NRP2: variants seen among roughly 807,000 people sequenced by gnomAD.
The protein encoded by NRP2 is neuropilin 2.
A neutral mutation model predicts 110.4 loss-of-function variants in NRP2; 52 were observed. That is an observed-to-expected ratio of 0.47 (90% confidence interval 0.38 to 0.59). The LOEUF is 0.59. Among genes scored for constraint, NRP2 ranks in the 20% least tolerant of loss-of-function variants. The pLI, the probability that NRP2 is intolerant of heterozygous loss-of-function variation, is 0.00. For synonymous variants in NRP2, 508 were observed against 468.9 expected (o/e 1.08, Z -1.08); for missense variants, 1,049 against 1,203.0 (o/e 0.87, Z 1.89).
chr2:205,700,884 AC>A, intron 2 of NRP2: 3 of 381,670 alleles, frequency 7.9e-6, no homozygotes, highest in South Asian at 5.7e-5. Context: ...GTGGGCAGAA[AC>A]CAGAGGCCAC....
chr2:205,738,758 G>A (rs2057389791), intron 7 of NRP2, among the ~76,000 whole-genome samples: 1 of 152,218 alleles, frequency 6.6e-6, no homozygotes, highest in Non-Finnish European at 1.5e-5. Flanking sequence ...CCGGGTGGGA[G>A]GACTTCCCAG....
Position 205,763,951 on chromosome 2 carries a change from A to T in NRP2, c.2307+15A>T. The T allele has an allele frequency of 6.2e-7, 1 of 1,613,876 alleles. No individual in the cohort carries two copies. Among genetic ancestry groups the T allele is most frequent in the South Asian group, 1.1e-5 (1 of 91,052 alleles). The stretch of plus-strand genomic sequence containing the variant: ...TGGAGTACCAGGTGGGGTGAGCAAA[A>T]AGGGAATCTTGTGATCCGTATTTCA... On this transcript the variant is annotated intron_variant, in intron 13 of 16. Transcript: ENST00000357785. The surrounding 1 kb of genome is among the most constrained non-coding windows in gnomAD (Gnocchi z 4.0).
intron 9 of NRP2, among the ~76,000 whole-genome samples, chr2:205,744,706 G>A (rs2057506233): frequency 6.6e-6 from 1 of 152,200 alleles, no homozygotes; most frequent in Admixed American, 6.5e-5. Context: ...GGCCACCTTT[G>A]CTAAGCAAAT....
intron 10 of NRP2, 31 bp from the exon 11 acceptor site, chr2:205,749,694 C>T (rs752455321): frequency 1.0e-5 from 16 of 1,567,226 alleles, no homozygotes; most frequent in Non-Finnish European, 1.4e-5. Flanking sequence ...GCTGCTACAG[C>T]ATTCTCTTAT....
intron 3 of NRP2, among the ~76,000 whole-genome samples, chr2:205,718,031 G>A (rs562370556): frequency 1.3e-5 from 2 of 152,314 alleles, no homozygotes; most frequent in Admixed American, 1.3e-4. Flanking sequence ...CTTAGCAATC[G>A]AGGGGCTCCA....
rs891672168 is a variant in NRP2, at chr2:205,722,361, G to A, written c.434-117G>A. Reference sequence around the variant, plus strand: ...TGTTGCTTCAAGGGCCACTCCAGTAGCAACAAAAACCTCAAGAGCAGGGGG... The same window carrying A: ...TGTTGCTTCAAGGGCCACTCCAGTAACAACAAAAACCTCAAGAGCAGGGGG... On this transcript the variant is annotated intron_variant, in intron 3 of 16. Transcript: ENST00000357785. The A allele has an allele frequency of 9.7e-6, 8 of 823,408 alleles. No homozygotes were observed. The African/African-American group carries it at 1.2e-4, about 12-fold the overall frequency. The allele number at this position is 823,408 out of a possible 1,614,324, so 51.0% of individuals were successfully genotyped here.
At chr2:205,784,180 C>T (rs2058210396) in intron 15 of NRP2, among the ~76,000 whole-genome samples, 2 of 152,208 alleles carry the variant, frequency 1.3e-5, no homozygotes, top group African/African-American at 4.8e-5. Context: ...CAGCAGGACT[C>T]ATTAACAGGA....
intron 10 of NRP2, 139 bp from the exon 11 acceptor site, chr2:205,749,586 C>A: frequency 1.4e-6 from 1 of 716,262 alleles, no homozygotes; most frequent in South Asian, 1.6e-5. Context: ...TCGTTGACAG[C>A]ACACAGACAT....
At chr2:205,737,276 G>A (rs1379403222) in intron 7 of NRP2, among the ~76,000 whole-genome samples, 1 of 152,204 alleles carries the variant, frequency 6.6e-6, no homozygotes, top group East Asian at 1.9e-4. Flanking sequence ...AAGGGACAAC[G>A]GGTAACTAAA....
rs200533161 is a variant in NRP2, at chr2:205,749,768, C to G, written c.1830C>G (p.Ser610Arg). ...AGACGCTGGGACCCACTGTGAAGAG[C>G]GAAGAGACAACCACCCCCTACCCCA... Reference protein sequence around the residue: ...TVETLGPTVKSEETTTPYPTE... With the variant: ...TVETLGPTVKREETTTPYPTE... The change falls in exon 11 of 17, where the codon AGC becomes AGG. Residue 610 changes from serine to arginine, a missense_variant. Ser to Arg is a moderately radical substitution (Grantham distance 110). Coordinates refer to ENST00000357785, the MANE Select transcript of NRP2 (RefSeq NM_003872.3). 22 of 1,614,010 alleles carry G rather than the reference C, an allele frequency of 1.4e-5. No individual in the cohort carries two copies. Among genetic ancestry groups the G allele is most frequent in the Admixed American group, 6.7e-5 (4 of 60,014 alleles).
In NRP2 at chr2:205,723,914, ACCT is replaced by A; in HGVS notation, c.795_797del (p.Tyr265_Leu266delinsTer). On this transcript the variant is annotated stop_gained and inframe_deletion, in exon 5 of 17. Coordinates refer to ENST00000357785, the MANE Select transcript of NRP2 (RefSeq NM_003872.3). LOFTEE classifies it high-confidence loss of function. ...AAGGATGGCTTCTCTGCGCGTTACT[ACCT>A]GGTCCACCAAGAGCCACTAGAGAGT... 6.2e-7 allele frequency: 1 copy of A among 1,614,018 alleles called. No homozygotes were observed. Among genetic ancestry groups the A allele is most frequent in the Non-Finnish European group, 8.5e-7 (1 of 1,179,992 alleles).
chr2:205,738,642 T>C (rs539658875), intron 7 of NRP2, among the ~76,000 whole-genome samples: 10 of 152,284 alleles, frequency 6.6e-5, no homozygotes, highest in African/African-American at 2.4e-4. Flanking sequence ...GTCTTCTCAC[T>C]CCTTCTCATC....
chr2:205,697,750 C>T lies in NRP2; in HGVS notation c.251+29C>T, dbSNP rs191957803. The T allele has an allele frequency of 1.4e-4, 219 of 1,610,118 alleles. No homozygotes were observed. The African/African-American group carries it at 2.8e-3, about 20-fold the overall frequency. On this transcript the variant is annotated intron_variant, in intron 2 of 16. Transcript: ENST00000357785. ...AGCACCGTCCTGTCCCACTGTGTAT[C>T]CCATCCATGAGATGCACACGCCCTG...
chr2:205,738,128 G>A (rs780105246), intron 7 of NRP2, among the ~76,000 whole-genome samples: 10 of 152,180 alleles, frequency 6.6e-5, no homozygotes, highest in Non-Finnish European at 1.3e-4. Context: ...GTTTCTAAAC[G>A]GTACCAGCGT....
chr2:205,761,654 A>C (rs1434606140), intron 12 of NRP2, among the ~76,000 whole-genome samples: 1 of 152,244 alleles, frequency 6.6e-6, no homozygotes, highest in Non-Finnish European at 1.5e-5. Flanking sequence ...CCAGTGGGGA[A>C]GCCAGTTTGC....
At chr2:205,780,739 A>G (rs1421436936) in intron 15 of NRP2, among the ~76,000 whole-genome samples, 1 of 152,094 alleles carries the variant, frequency 6.6e-6, no homozygotes, top group Non-Finnish European at 1.5e-5. Context: ...TCCTATCCAA[A>G]CCTAGATCCA....
intron 12 of NRP2, among the ~76,000 whole-genome samples, chr2:205,758,701 T>C (rs1462437901): frequency 3.3e-5 from 5 of 152,174 alleles, no homozygotes; most frequent in African/African-American, 1.2e-4. Context: ...GGAGAGGAAT[T>C]GTATCTCTGG....
rs1200244780 is a variant in NRP2 at position 205,763,142 on chromosome 2, A to T, written c.2045-532A>T. On this transcript the variant is annotated intron_variant, in intron 12 of 16. Transcript: ENST00000357785. The surrounding 1 kb of genome is among the most constrained non-coding windows in gnomAD (Gnocchi z 4.0). ...ATCTAGGAGCACTGATGGAGACAGA[A>T]GGTTTTAAATGTCAGCCATTTGGAC... is the stretch of plus-strand genomic sequence containing the variant. 6.6e-6 allele frequency among the ~76,000 whole-genome samples: 1 copy of T among 152,170 alleles called. No homozygotes were observed. The highest frequency in any genetic ancestry group is 6.5e-5 in the Admixed American group (1 of 15,288).
At chr2:205,689,092 A>C (rs1438655640) in intron 1 of NRP2, among the ~76,000 whole-genome samples, 1 of 152,216 alleles carries the variant, frequency 6.6e-6, no homozygotes, top group Non-Finnish European at 1.5e-5. Flanking sequence ...TCACACAGAC[A>C]GAGTACTGGC....
Sources: gnomAD v4.1 joint callset for allele counts (sites outside exome capture counted in the v4.1 genomes callset) on GRCh38, gnomAD v4.1.1 for gene constraint, Gnocchi (gnomAD v3.1) non-coding constraint, MANE v1.5 for transcripts, NCBI Gene and HGNC (gene_info 2026-07-23, HGNC 2026-07-21) for gene names.